The following BUB1B variants were observed in gnomAD, a reference collection of about 807,000 sequenced individuals.
BUB1B encodes mitotic checkpoint serine/threonine-protein kinase BUB1 beta.
A neutral mutation model predicts 137.7 loss-of-function variants in BUB1B; 86 were observed. That is an observed-to-expected ratio of 0.62 (90% CI 0.52 to 0.75). The LOEUF (loss-of-function observed/expected upper bound fraction) is 0.75, where lower values mean the gene tolerates loss of function less well. BUB1B is among the 30% of genes least tolerant of loss of function. BUB1B has a pLI of 0.00. For missense variants in BUB1B, 1,130 were observed against 1,236.9 expected, an observed-to-expected ratio of 0.91 and a Z score of 1.30; for synonymous variants, 420 against 417.9, an observed-to-expected ratio of 1.00 and a Z score of -0.06.
At chr15:40,164,519 C>T (rs1353929462) in intron 1 of BUB1B, among the ~76,000 whole-genome samples, 1 of 152,160 alleles carries the variant, frequency 6.6e-6, no homozygotes, top group Non-Finnish European at 1.5e-5. Flanking sequence ...TGAGCTACCA[C>T]ATCCGGCACT....
chr15:40,194,300 C>T (rs1566823133), intron 8 of BUB1B, among the ~76,000 whole-genome samples: 2 of 152,140 alleles, frequency 1.3e-5, no homozygotes, highest in East Asian at 1.9e-4. Context: ...TTTGCTTCTT[C>T]CTTTCCCATC....
intron 4 of BUB1B, chr15:40,174,086 T>C: frequency 3.1e-6 from 1 of 326,240 alleles, no homozygotes; most frequent in South Asian, 2.6e-5. Flanking sequence ...ATGTTATTTC[T>C]TAAGTGATCT....
At chr15:40,166,251 A>G in intron 2 of BUB1B, 1 of 353,680 alleles carries the variant, frequency 2.8e-6, no homozygotes, top group Non-Finnish European at 5.4e-6. Flanking sequence ...ATGAATATTT[A>G]GATTCTTCCA....
At chr15:40,165,757 C>T (rs2037088581) in intron 2 of BUB1B, among the ~76,000 whole-genome samples, 1 of 151,748 alleles carries the variant, frequency 6.6e-6, no homozygotes, top group Admixed American at 6.6e-5. Context: ...CAGTTTCTAC[C>T]TTCAATCTCT....
chr15:40,169,609 CTTTTTTTTT>C (rs893767898), intron 2 of BUB1B, among the ~76,000 whole-genome samples: 16 of 96,946 alleles, frequency 1.7e-4, no homozygotes, highest in African/African-American at 5.7e-4. Context: ...TATTTCTATT[CTTTTTTTTT>C]TTTTTTTTTT....
At chr15:40,179,675 CA>C (rs1341717219) in intron 5 of BUB1B, among the ~76,000 whole-genome samples, 1 of 151,960 alleles carries the variant, frequency 6.6e-6, no homozygotes, top group Non-Finnish European at 1.5e-5. Context: ...TGTTCCTCTT[CA>C]GCCTCTTTCC....
intron 14 of BUB1B, among the ~76,000 whole-genome samples, chr15:40,205,492 C>T (rs1203948934): frequency 1.3e-5 from 2 of 152,024 alleles, no homozygotes; most frequent in African/African-American, 4.8e-5. Context: ...AACCTTTTGA[C>T]CTTACAATTC....
At chr15:40,203,785 A>T (rs2037604389) in intron 14 of BUB1B, among the ~76,000 whole-genome samples, 1 of 152,220 alleles carries the variant, frequency 6.6e-6, no homozygotes, top group African/African-American at 2.4e-5. Flanking sequence ...GTCAAAATAA[A>T]TAACCTGTAT....
intron 18 of BUB1B, among the ~76,000 whole-genome samples, chr15:40,211,752 G>A (rs2037714773): frequency 6.6e-6 from 1 of 152,060 alleles, no homozygotes; most frequent in Admixed American, 6.6e-5. Context: ...TTCGAGAATA[G>A]GGGAGAGGTA....
rs534869501 is a variant in BUB1B, at chr15:40,164,464, G to A, written c.36-589G>A. 2.5e-4 allele frequency among the ~76,000 whole-genome samples: 38 copies of A among 151,928 alleles called. No homozygotes were observed. The South Asian group carries it at 7.9e-3, about 32-fold the overall frequency. ...GGTGGTGTTGAACTCCTGGGCTCAAGCACTTCTCCTGACTCAGCCTCCCAA... is the reference window on the plus strand; with the variant it reads ...GGTGGTGTTGAACTCCTGGGCTCAAACACTTCTCCTGACTCAGCCTCCCAA... On this transcript the variant is annotated intron_variant, in intron 1 of 22. Transcript: ENST00000287598.
intron 18 of BUB1B, 152 bp downstream of exon 18, chr15:40,210,362 A>G (rs566756185): frequency 2.9e-6 from 2 of 691,940 alleles, no homozygotes; most frequent in South Asian, 3.5e-5. Context: ...TTTTTAGGAA[A>G]TCTCTGCTGA....
At chr15:40,162,843 A>G (rs776901559) in intron 1 of BUB1B, among the ~76,000 whole-genome samples, 4 of 152,192 alleles carry the variant, frequency 2.6e-5, no homozygotes, top group Non-Finnish European at 5.9e-5. Flanking sequence ...CAAACAGGGC[A>G]TAATAGTGTT....
At chr15:40,163,332 G>A (rs918062912) in intron 1 of BUB1B, among the ~76,000 whole-genome samples, 1 of 152,146 alleles carries the variant, frequency 6.6e-6, no homozygotes, top group African/African-American at 2.4e-5. Flanking sequence ...CCAGCACTTC[G>A]GGAGGCTGAG....
At chr15:40,196,872 C>A in intron 9 of BUB1B, 98 bp downstream of exon 9, 1 of 1,089,158 alleles carries the variant, frequency 9.2e-7, no homozygotes, top group Non-Finnish European at 1.4e-6. Context: ...ATAGTTTGTA[C>A]CTTTGTATGA....
At chr15:40,217,375 C>A in intron 20 of BUB1B, 121 bp from the exon 21 acceptor site, 1 of 1,031,424 alleles carries the variant, frequency 9.7e-7, no homozygotes, top group Admixed American at 1.9e-5. Flanking sequence ...AAATTAACCA[C>A]TGGAGGGAGT....
At chr15:40,170,962 G>T (rs2037155072) in intron 4 of BUB1B, among the ~76,000 whole-genome samples, 1 of 152,080 alleles carries the variant, frequency 6.6e-6, no homozygotes, top group African/African-American at 2.4e-5. Context: ...TTGAAACAAG[G>T]TCTCACTCTG....
chr15:40,161,162 G>A lies in BUB1B; in HGVS notation c.-59G>A, dbSNP rs1176862338. The A allele has an allele frequency of 2.5e-6, 4 of 1,600,648 alleles. No individual in the cohort carries two copies. The highest frequency in any genetic ancestry group is 2.6e-6 in the Non-Finnish European group (3 of 1,172,998). On this transcript the variant is annotated 5_prime_UTR_variant, in exon 1 of 23. Transcript: ENST00000287598. Reference sequence around the variant, plus strand: ...GCAGGTTGCGGAAGAAAGCCCAGGCGGTCTGTGGCCCAGAGGAAAGGCCTG... The same window carrying A: ...GCAGGTTGCGGAAGAAAGCCCAGGCAGTCTGTGGCCCAGAGGAAAGGCCTG...
In BUB1B at chr15:40,197,313, A is replaced by T. The variant is rs2037510860; in HGVS notation, c.1288+539A>T. 1.3e-5 allele frequency among the ~76,000 whole-genome samples: 2 copies of T among 152,194 alleles called. 1 individual carries two copies. The highest frequency in any genetic ancestry group is 4.1e-4 in the South Asian group (2 of 4,830). On this transcript the variant is annotated intron_variant, in intron 9 of 22. Transcript: ENST00000287598. ...GACATTATATTTCTAAATTAAAGGA[A>T]AAGGTTTAAAAATTGAGATATGGGG...
At position 40,213,319 on chromosome 15, in the gene BUB1B, C is replaced by T. The variant is rs1217715224; in HGVS notation, c.2536-13C>T. The T allele has an allele frequency of 1.9e-6, 3 of 1,613,200 alleles. No homozygotes were observed. Among genetic ancestry groups the T allele is most frequent in the Non-Finnish European group, 1.7e-6 (2 of 1,179,680 alleles). Reference sequence around the variant, plus strand: ...CTTGAGAAATAGTGAGTTTTCTGTCCTTCAATTTCCAGGATCTTCTCCAAC... The same window carrying T: ...CTTGAGAAATAGTGAGTTTTCTGTCTTTCAATTTCCAGGATCTTCTCCAAC... On this transcript the variant is annotated splice_polypyrimidine_tract_variant and intron_variant, in intron 19 of 22. Coordinates refer to ENST00000287598, the MANE Select transcript of BUB1B (RefSeq NM_001211.6).
Sources: gnomAD v4.1 joint callset for allele counts (sites outside exome capture counted in the v4.1 genomes callset) on GRCh38, gnomAD v4.1.1 for gene constraint, MANE v1.5 for transcripts, NCBI Gene and HGNC (gene_info 2026-07-23, HGNC 2026-07-21) for gene names.